The following HELZ variants were observed in gnomAD, a reference collection of about 807,000 sequenced individuals.
HELZ encodes the protein ATP-dependent RNA helicase with zinc finger domain.
A neutral mutation model predicts 218.2 loss-of-function variants in HELZ; 23 were observed. That is an observed-to-expected ratio of 0.11 (90% CI 0.08 to 0.15). The LOEUF is 0.15. HELZ is among the 10% of genes least tolerant of loss of function. The pLI, the probability that HELZ is intolerant of heterozygous loss-of-function variation, is 1.00. For missense variants in HELZ, 1,813 were observed against 2,353.7 expected (o/e 0.77, Z 4.75); for synonymous variants, 814 against 829.4 (o/e 0.98, Z 0.32).
At chr17:67,120,328 T>C (rs2037568046) in intron 27 of HELZ, 77 bp downstream of exon 27, 1 of 1,197,212 alleles carries the variant, frequency 8.4e-7, no homozygotes, top group Admixed American at 1.8e-5. Flanking sequence ...AATCATACTG[T>C]TAAAGGAACT....
chr17:67,224,384 C>A (rs2143365537), intron 3 of HELZ: 1 of 208,546 alleles, frequency 4.8e-6, no homozygotes, highest in Non-Finnish European at 9.7e-6. Flanking sequence ...TCACCTGACC[C>A]CTGAATCCAG....
intron 17 of HELZ, among the ~76,000 whole-genome samples, chr17:67,157,079 T>A (rs1376186562): frequency 6.6e-6 from 1 of 152,104 alleles, no homozygotes; most frequent in African/African-American, 2.4e-5. Context: ...GACATCCTGC[T>A]CCCCCTTCGC....
chr17:67,131,150 A>T (rs2037969574), intron 23 of HELZ, among the ~76,000 whole-genome samples: 1 of 152,214 alleles, frequency 6.6e-6, no homozygotes. Context: ...GACCTCTCAA[A>T]GTGCTAGGAT....
rs59231202 is a variant in HELZ at position 67,186,704 on chromosome 17, G to C, written c.1162+1615C>G. On this transcript the variant is annotated intron_variant, in intron 12 of 32. Transcript: ENST00000358691. ...GACAGCACTTACAAACATTTCTATG[G>C]GTAAAGGAGTCTGAGTTATAAGCCA... Among the ~76,000 whole-genome samples the C allele has an allele frequency of 7.1e-3, 1,073 of 152,084 alleles. 11 individuals are homozygous for C. The highest frequency in any genetic ancestry group is 0.025 in the African/African-American group (1,017 of 41,478).
Position 67,089,647 on chromosome 17 carries a change from T to TTATATATATATATATA in HELZ, c.5242-2582_5242-2567dup, listed in dbSNP as rs371659847. Among the ~76,000 whole-genome samples the TTATATATATATATATA allele has an allele frequency of 3.7e-3, 202 of 53,992 alleles. 6 individuals carry two copies. The highest frequency in any genetic ancestry group is 0.018 in the East Asian group (9 of 498). The allele number at this position is 53,992 out of a possible 152,430, so 35.4% of individuals were successfully genotyped here. On this transcript the variant is annotated intron_variant, in intron 31 of 32. Transcript: ENST00000358691. ...TTTAAAATTAGATCTATTGGAGATT[T>TTATATATATATATATA]TATATATATATATATATATATAGAG...
At chr17:67,091,955 C>T (rs1441462210) in intron 31 of HELZ, among the ~76,000 whole-genome samples, 2 of 151,994 alleles carry the variant, frequency 1.3e-5, no homozygotes, top group Non-Finnish European at 2.9e-5. Flanking sequence ...GTACAGTTCC[C>T]TAGAGAGAAA....
intron 32 of HELZ, among the ~76,000 whole-genome samples, chr17:67,082,862 T>G (rs1222377153): frequency 2.9e-5 from 4 of 137,246 alleles, no homozygotes; most frequent in African/African-American, 6.4e-5. Context: ...TTTTTTTTGT[T>G]TTTTTTTTTT....
chr17:67,225,013 A>G, intron 3 of HELZ: 1 of 685,474 alleles, frequency 1.5e-6, no homozygotes, highest in East Asian at 3.1e-5. Context: ...GAAGGAGATA[A>G]GAGAAAGGGT....
chr17:67,204,576 A>G (rs9915380), intron 5 of HELZ, among the ~76,000 whole-genome samples: 13,885 of 152,166 alleles, frequency 0.091, 1,668 homozygotes, highest in African/African-American at 0.27. Context: ...CCCTTCCCTT[A>G]TAAGATAATA....
At chr17:67,215,573 T>A (rs1442650824) in intron 5 of HELZ, among the ~76,000 whole-genome samples, 16 of 152,054 alleles carry the variant, frequency 1.1e-4, no homozygotes, top group Admixed American at 1.0e-3. Flanking sequence ...GGTCTCAAAC[T>A]CCAGATCTTG....
intron 17 of HELZ, among the ~76,000 whole-genome samples, chr17:67,153,243 T>C (rs1227959876): frequency 6.6e-6 from 1 of 151,938 alleles, no homozygotes; most frequent in Non-Finnish European, 1.5e-5. Context: ...AAGAAAAAAG[T>C]ATGCAGGAAA....
intron 31 of HELZ, among the ~76,000 whole-genome samples, chr17:67,098,965 ATACAG>A (rs2036837547): frequency 6.6e-6 from 1 of 152,182 alleles, no homozygotes; most frequent in Non-Finnish European, 1.5e-5. Context: ...GGTACTTCCT[ATACAG>A]TAAAGGCCCC....
intron 6 of HELZ, 58 bp downstream of exon 6, chr17:67,203,261 T>C: frequency 6.3e-7 from 1 of 1,576,090 alleles, no homozygotes; most frequent in Non-Finnish European, 8.7e-7. Flanking sequence ...ACAATATACC[T>C]AAGGAATCAA....
At chr17:67,218,299 A>G (rs968433356) in intron 4 of HELZ, among the ~76,000 whole-genome samples, 6 of 152,224 alleles carry the variant, frequency 3.9e-5, no homozygotes, top group Non-Finnish European at 7.3e-5. Context: ...ATCATAAAGA[A>G]GAGACTTTTC....
chr17:67,089,694 G>GAGAGAGAGAGAAAC (rs776184027), intron 31 of HELZ, among the ~76,000 whole-genome samples: 1 of 100,694 alleles, frequency 9.9e-6, no homozygotes, highest in Non-Finnish European at 1.9e-5. Context: ...GAGAGAGAGA[G>GAGAGAGAGAGAAAC]AGAGAGACAG....
chr17:67,202,896 G>T (rs1262553915), intron 6 of HELZ, among the ~76,000 whole-genome samples: 1 of 152,136 alleles, frequency 6.6e-6, no homozygotes, highest in Non-Finnish European at 1.5e-5. Flanking sequence ...GGCCAAGGAG[G>T]GAGGATTTTT....
At chr17:67,245,692 C>G (rs1282046212), upstream of HELZ, 1 of 188,626 alleles carries the variant, frequency 5.3e-6, no homozygotes, top group Non-Finnish European at 9.9e-6. Context: ...AGAGGTGCCT[C>G]TGCCCTGGGA....
intron 5 of HELZ, among the ~76,000 whole-genome samples, chr17:67,209,287 G>A (rs915437714): frequency 6.6e-6 from 1 of 152,050 alleles, no homozygotes; most frequent in African/African-American, 2.4e-5. Flanking sequence ...GGCTAAAGGA[G>A]ATAAAAACAT....
Position 67,178,862 on chromosome 17 carries a change from G to A in HELZ, c.1227C>T (p.Ser409=), listed in dbSNP as rs537241168. The change falls in exon 13 of 33, where the codon TCC becomes TCT. Residue 409 remains serine, a synonymous_variant. Coordinates refer to ENST00000358691, the MANE Select transcript of HELZ (RefSeq NM_014877.4). ...GTTCAAAATCTATAATAGTCTTAGA[G>A]GAAGAATCCCAACGTTTAGCTGTGG... ...LVTTAKRWDS[S]SKTIIDFEPN... 8.7e-6 allele frequency: 14 copies of A among 1,612,952 alleles called. No homozygotes were observed. The highest frequency in any genetic ancestry group is 1.3e-5 in the African/African-American group (1 of 75,002).
Sources: allele counts gnomAD v4.1 joint callset (sites outside exome capture counted in the v4.1 genomes callset), GRCh38; gene constraint gnomAD v4.1.1; transcripts MANE v1.5; gene names NCBI Gene and HGNC (gene_info 2026-07-23, HGNC 2026-07-21).